Variants in CREB5 observed in about 807,000 individuals in gnomAD.
CREB5 encodes cAMP responsive element binding protein 5, also known as cyclic AMP-responsive element-binding protein 5.
Under a neutral mutation model 57.1 loss-of-function variants are expected in CREB5, and 19 were observed. The observed-to-expected ratio is 0.33, with a 90% CI of 0.23 to 0.49. CREB5 has a LOEUF of 0.49. Among genes scored for constraint, CREB5 ranks in the 20% least tolerant of loss-of-function variants. The pLI is 0.99. For missense variants in CREB5, 579 were observed against 671.6 expected, an observed-to-expected ratio of 0.86 and a Z score of 1.52; for synonymous variants, 238 against 238.3, an observed-to-expected ratio of 1.00 and a Z score of 0.01.
chr7:28,787,846 G>A lies in CREB5; in HGVS notation c.703-16353G>A, dbSNP rs375095614. Among the ~76,000 whole-genome samples the A allele has an allele frequency of 1.3e-3, 204 of 152,226 alleles. 2 individuals are homozygous for A. The highest frequency in any genetic ancestry group is 4.7e-3 in the African/African-American group (196 of 41,548). ...TGGGATTACAGGCATGAACCACCAC[G>A]CCTAGCCTGAAAACTAGATTCTTAA... On this transcript the variant is annotated intron_variant, in intron 7 of 10. Transcript: ENST00000357727.
At chr7:28,698,609 T>C (rs1801692327) in intron 5 of CREB5, among the ~76,000 whole-genome samples, 1 of 152,206 alleles carries the variant, frequency 6.6e-6, no homozygotes, top group South Asian at 2.1e-4. Context: ...TGCCAGCTTC[T>C]TTGGGGAAAG....
intron 5 of CREB5, among the ~76,000 whole-genome samples, chr7:28,611,367 A>G (rs1797376632): frequency 6.6e-6 from 1 of 151,590 alleles, no homozygotes; most frequent in South Asian, 2.1e-4. Flanking sequence ...TATGCCAGGT[A>G]GAGGCCGGGC....
intron 4 of CREB5, among the ~76,000 whole-genome samples, chr7:28,569,000 T>C (rs1795593779): frequency 6.6e-6 from 1 of 152,084 alleles, no homozygotes; most frequent in African/African-American, 2.4e-5. Context: ...GGCACTCCAT[T>C]TTTTTCCCTC....
intron 7 of CREB5, among the ~76,000 whole-genome samples, chr7:28,793,078 CCT>C (rs140616393): frequency 6.6e-6 from 1 of 151,344 alleles, no homozygotes; most frequent in East Asian, 1.9e-4. Context: ...TATTGCAATC[CCT>C]CTCTCTCTCT....
At chr7:28,336,109 C>G (rs763296832) in intron 1 of CREB5, among the ~76,000 whole-genome samples, 1 of 151,882 alleles carries the variant, frequency 6.6e-6, no homozygotes, top group Non-Finnish European at 1.5e-5. Context: ...AGTATTTTGT[C>G]GAGGATTTTT....
intron 7 of CREB5, among the ~76,000 whole-genome samples, chr7:28,784,140 G>A (rs866129373): frequency 2.6e-5 from 4 of 152,080 alleles, no homozygotes; most frequent in Non-Finnish European, 5.9e-5. Flanking sequence ...GCAATTGATG[G>A]GCTTCCTTGT....
chr7:28,480,829 A>G (rs76837293), intron 1 of CREB5, among the ~76,000 whole-genome samples: 2,292 of 152,324 alleles, frequency 0.015, 35 homozygotes, highest in East Asian at 0.04. Flanking sequence ...CTCATGCTTC[A>G]CACAAGTGCT....
At chr7:28,560,112 G>A (rs1795020476) in intron 4 of CREB5, among the ~76,000 whole-genome samples, 1 of 152,182 alleles carries the variant, frequency 6.6e-6, no homozygotes, top group Non-Finnish European at 1.5e-5. Flanking sequence ...TACTTTGTAG[G>A]TCAAAGGAAG....
At chr7:28,762,768 C>G (rs1312103593) in intron 7 of CREB5, among the ~76,000 whole-genome samples, 3 of 150,904 alleles carry the variant, frequency 2.0e-5, no homozygotes, top group Admixed American at 1.3e-4. Flanking sequence ...TGTCAGATGA[C>G]CTCGATACAA....
At chr7:28,808,446 A>T (rs1170415634) in intron 8 of CREB5, among the ~76,000 whole-genome samples, 2 of 152,224 alleles carry the variant, frequency 1.3e-5, no homozygotes, top group African/African-American at 4.8e-5. Context: ...TTTTCTGTAG[A>T]TGACAGATGA....
chr7:28,364,142 C>T (rs1469669994), intron 1 of CREB5, among the ~76,000 whole-genome samples: 1 of 152,186 alleles, frequency 6.6e-6, no homozygotes, highest in Non-Finnish European at 1.5e-5. Flanking sequence ...TTCAGTTTAT[C>T]TCACAATGAA....
chr7:28,630,508 G>GT (rs1224547321), intron 5 of CREB5, among the ~76,000 whole-genome samples: 41 of 152,262 alleles, frequency 2.7e-4, no homozygotes, highest in Non-Finnish European at 4.7e-4. Flanking sequence ...AAAAACATAT[G>GT]TTTTTCATTT....
At chr7:28,353,903 A>C in intron 1 of CREB5, among the ~76,000 whole-genome samples, 1 of 152,094 alleles carries the variant, frequency 6.6e-6, no homozygotes, top group East Asian at 1.9e-4. Flanking sequence ...TCAGATAAGC[A>C]AGGTGTCAAG....
Position 28,419,409 on chromosome 7 carries a change from C to T in CREB5, c.3+6492C>T, listed in dbSNP as rs79084036. ...TTGTTTTCTCCTAACAATGGTGATACGTTGGCTTGGCCATTTGCAGTCTCT... is the reference window on the plus strand; with the variant it reads ...TTGTTTTCTCCTAACAATGGTGATATGTTGGCTTGGCCATTTGCAGTCTCT... On this transcript the variant is annotated intron_variant, in intron 1 of 10. Coordinates refer to ENST00000357727, the MANE Select transcript of CREB5 (RefSeq NM_182898.4). 4.8e-3 allele frequency among the ~76,000 whole-genome samples: 736 copies of T among 152,318 alleles called. 10 individuals carry two copies. Among genetic ancestry groups the T allele is most frequent in the African/African-American group, 0.017 (692 of 41,558 alleles).
intron 4 of CREB5, among the ~76,000 whole-genome samples, chr7:28,514,718 CTA>C (rs1021610841): frequency 6.6e-6 from 1 of 152,186 alleles, no homozygotes; most frequent in African/African-American, 2.4e-5. Context: ...TTTATATTTG[CTA>C]TGACAGGACA....
At chr7:28,475,882 C>G (rs1340538515) in intron 1 of CREB5, among the ~76,000 whole-genome samples, 1 of 152,158 alleles carries the variant, frequency 6.6e-6, no homozygotes, top group East Asian at 1.9e-4. Context: ...TCCAGCCCCT[C>G]CAAGCCCAGG....
chr7:28,760,519 T>C (rs1805583221), intron 7 of CREB5, among the ~76,000 whole-genome samples: 1 of 152,202 alleles, frequency 6.6e-6, no homozygotes, highest in South Asian at 2.1e-4. Flanking sequence ...TGGGCAGTCT[T>C]ACCATAACTC....
At chr7:28,335,115 T>C (rs1785797949) in intron 1 of CREB5, among the ~76,000 whole-genome samples, 1 of 152,226 alleles carries the variant, frequency 6.6e-6, no homozygotes, top group African/African-American at 2.4e-5. Flanking sequence ...AAGTATAATT[T>C]GAAGTCAGGT....
At chr7:28,545,121 C>T (rs369541906) in intron 4 of CREB5, among the ~76,000 whole-genome samples, 38 of 152,244 alleles carry the variant, frequency 2.5e-4, no homozygotes, top group Non-Finnish European at 4.0e-4. Context: ...CTGGAGACAG[C>T]CCTCTTCAAA....
Sources: gnomAD v4.1 joint callset for allele counts (sites outside exome capture counted in the v4.1 genomes callset) on GRCh38, gnomAD v4.1.1 for gene constraint, MANE v1.5 for transcripts, NCBI Gene and HGNC (gene_info 2026-07-23, HGNC 2026-07-21) for gene names.